The following ATF7IP2 variants were observed in gnomAD, a reference collection of about 807,000 sequenced individuals.
ATF7IP2 encodes the protein activating transcription factor 7 interacting protein 2.
Under a neutral mutation model 64.2 loss-of-function variants are expected in ATF7IP2, and 42 were observed. That is an observed-to-expected ratio of 0.65 (90% CI 0.51 to 0.85). The LOEUF (loss-of-function observed/expected upper bound fraction) is 0.85. Ranked by LOEUF, ATF7IP2 falls within the 40% of genes least tolerant of loss-of-function variation. ATF7IP2 has a pLI of 0.00. For synonymous variants in ATF7IP2, 308 were observed against 272.8 expected (o/e 1.13, Z -1.27); for missense variants, 933 against 784.2 (o/e 1.19, Z -2.27).
At chr16:10,453,423 A>G (rs571518965) in intron 8 of ATF7IP2, among the ~76,000 whole-genome samples, 10 of 152,280 alleles carry the variant, frequency 6.6e-5, no homozygotes, top group East Asian at 1.9e-4. Flanking sequence ...CCACTGTCCA[A>G]CTAGTCCCAA....
At chr16:10,471,009 G>A (rs2049780288) in intron 9 of ATF7IP2, among the ~76,000 whole-genome samples, 1 of 151,918 alleles carries the variant, frequency 6.6e-6, no homozygotes, top group African/African-American at 2.4e-5. Flanking sequence ...CATAGGGATA[G>A]GTATGTTGAC....
rs1017314559 is a variant in ATF7IP2 at position 10,461,588 on chromosome 16, A to G, written c.1352+4059A>G. 2.0e-5 allele frequency among the ~76,000 whole-genome samples: 3 copies of G among 152,146 alleles called. No individual in the cohort carries two copies. In the South Asian group the frequency reaches 6.2e-4, roughly 31 times the overall value. ...AACGTATGATTGGAAAGCAGACACA[A>G]AAGACTCATATGATTCCATTTAAAT... is the stretch of plus-strand genomic sequence containing the variant. On this transcript the variant is annotated intron_variant, in intron 9 of 13. Transcript: ENST00000562102.
intron 1 of ATF7IP2, among the ~76,000 whole-genome samples, chr16:10,411,551 G>C (rs976063761): frequency 7.2e-5 from 11 of 151,898 alleles, no homozygotes; most frequent in Non-Finnish European, 8.8e-5. Flanking sequence ...TGTATTTTTA[G>C]TAGAGATGTG....
intron 1 of ATF7IP2, among the ~76,000 whole-genome samples, chr16:10,388,979 T>C (rs2047265777): frequency 6.6e-6 from 1 of 151,610 alleles, no homozygotes; most frequent in African/African-American, 2.4e-5. Flanking sequence ...ACCACTGCAT[T>C]CCATCCTGGG....
intron 1 of ATF7IP2, among the ~76,000 whole-genome samples, chr16:10,408,383 A>G (rs1237439820): frequency 1.3e-5 from 2 of 152,104 alleles, no homozygotes. Flanking sequence ...GTCAAATGGT[A>G]GTTCTACTTT....
At chr16:10,408,713 G>C (rs74193437) in intron 1 of ATF7IP2, among the ~76,000 whole-genome samples, 169 of 152,210 alleles carry the variant, frequency 1.1e-3, no homozygotes, top group African/African-American at 4.0e-3. Flanking sequence ...TAATTTGTTT[G>C]AGTGCCTTGT....
chr16:10,419,403 C>T (rs1469441718), intron 2 of ATF7IP2, among the ~76,000 whole-genome samples, 178 bp from the exon 3 acceptor site: 1 of 152,140 alleles, frequency 6.6e-6, no homozygotes, highest in Non-Finnish European at 1.5e-5. Context: ...TATACCTCCA[C>T]TGGGGGGTCC....
chr16:10,457,942 G>A (rs573627366), intron 9 of ATF7IP2, among the ~76,000 whole-genome samples: 4 of 152,302 alleles, frequency 2.6e-5, no homozygotes, highest in South Asian at 4.1e-4. Flanking sequence ...GAATTCCTGG[G>A]CTCAGGCAAT....
At chr16:10,428,162 C>G (rs2048128489) in intron 3 of ATF7IP2, among the ~76,000 whole-genome samples, 1 of 152,120 alleles carries the variant, frequency 6.6e-6, no homozygotes, top group South Asian at 2.1e-4. Flanking sequence ...AGAAGAGGTG[C>G]AAGGGGCATA....
intron 9 of ATF7IP2, 75 bp downstream of exon 9, chr16:10,457,604 A>G (rs2049223657): frequency 9.1e-7 from 1 of 1,097,336 alleles, no homozygotes; most frequent in East Asian, 2.6e-5. Flanking sequence ...ACAGTTTTGG[A>G]TCTTTGTAAT....
At position 10,402,886 on chromosome 16, in the gene ATF7IP2, C is replaced by G. The variant is rs74648299; in HGVS notation, c.-241-11688C>G. On this transcript the variant is annotated intron_variant, in intron 1 of 13. Transcript: ENST00000562102. ...GTGAGGAGTTCAAGACCAGCCTCAACGACACAGCGAGACCCTTTCTCAAAA... is the reference window on the plus strand; with the variant it reads ...GTGAGGAGTTCAAGACCAGCCTCAAGGACACAGCGAGACCCTTTCTCAAAA... Among the ~76,000 whole-genome samples the G allele has an allele frequency of 7.5e-3, 1,078 of 144,092 alleles. 9 individuals carry two copies. Among genetic ancestry groups the G allele is most frequent in the South Asian group, 0.025 (110 of 4,420 alleles). 94.5% of individuals were successfully genotyped at this position (144,092 alleles called of 152,430 possible).
At chr16:10,464,944 C>T (rs1055022288) in intron 9 of ATF7IP2, among the ~76,000 whole-genome samples, 2 of 152,196 alleles carry the variant, frequency 1.3e-5, no homozygotes, top group Admixed American at 6.5e-5. Flanking sequence ...GATTCTTCCG[C>T]CTCAGCCTCC....
rs1388932804 is a variant in ATF7IP2 at position 10,483,599 on chromosome 16, T to C, written c.*1350T>C. On this transcript the variant is annotated 3_prime_UTR_variant, in exon 14 of 14. Coordinates refer to ENST00000562102, the MANE Select transcript of ATF7IP2 (RefSeq NM_001393719.1). ...ATGGTTTTCCTTGGCATTTTGTAAA[T>C]GCTCTCACATCTGTAGCAATAAAGC... The C allele has an allele frequency of 6.6e-6, 1 of 152,210 alleles. No homozygotes were observed. Among genetic ancestry groups the C allele is most frequent in the East Asian group, 1.9e-4 (1 of 5,204 alleles). The allele number at this position is 152,210 out of a possible 1,614,324, so 9.4% of individuals were successfully genotyped here.
chr16:10,451,372 GT>G (rs1203062604), intron 8 of ATF7IP2, among the ~76,000 whole-genome samples: 1 of 152,152 alleles, frequency 6.6e-6, no homozygotes, highest in African/African-American at 2.4e-5. Context: ...GTCTTGCTAG[GT>G]TGGGGAAGTT....
At chr16:10,479,957 ACTTTTTTTTTTTT>A in intron 12 of ATF7IP2, among the ~76,000 whole-genome samples, 2 of 104,388 alleles carry the variant, frequency 1.9e-5, no homozygotes, top group African/African-American at 6.7e-5. Flanking sequence ...AACTGGAAAT[ACTTTTTTTTTTTT>A]TTTTTTTTTT....
intron 1 of ATF7IP2, among the ~76,000 whole-genome samples, chr16:10,396,324 A>G (rs1243352418): frequency 2.0e-5 from 3 of 152,168 alleles, no homozygotes; most frequent in Non-Finnish European, 2.9e-5. Context: ...CCCATTTCAT[A>G]CATTGGCTCT....
chr16:10,454,874 G>C (rs2049116090), intron 8 of ATF7IP2, among the ~76,000 whole-genome samples: 1 of 152,082 alleles, frequency 6.6e-6, no homozygotes, highest in Non-Finnish European at 1.5e-5. Flanking sequence ...CAAAATATTT[G>C]TGACTTCTAG....
chr16:10,479,176 A>G (rs1229131853), intron 12 of ATF7IP2, among the ~76,000 whole-genome samples: 19 of 150,512 alleles, frequency 1.3e-4, no homozygotes, highest in African/African-American at 4.7e-4. Context: ...ACTATAAATC[A>G]TGCTGCTATA....
intron 8 of ATF7IP2, chr16:10,447,147 A>T (rs1418399918): frequency 6.6e-6 from 1 of 152,274 alleles, no homozygotes. Context: ...AGTGCTTGTT[A>T]CCATTCACGC....
Sources: gnomAD v4.1 joint callset for allele counts (sites outside exome capture counted in the v4.1 genomes callset) on GRCh38, gnomAD v4.1.1 for gene constraint, MANE v1.5 for transcripts, NCBI Gene and HGNC (gene_info 2026-07-23, HGNC 2026-07-21) for gene names.